CPT1A: variants seen among roughly 807,000 people sequenced by gnomAD.
CPT1A encodes carnitine O-palmitoyltransferase 1, liver isoform.
CPT1A carries 64 observed loss-of-function variants against 100.8 expected under a neutral mutation model. The observed-to-expected ratio is 0.63, with a 90% confidence interval of 0.52 to 0.78. CPT1A has a LOEUF of 0.78. Ranked by LOEUF, CPT1A falls within the 30% of genes least tolerant of loss-of-function variation. CPT1A has a pLI of 0.00. For missense variants in CPT1A, 802 were observed against 1,034.1 expected, an observed-to-expected ratio of 0.78 and a Z score of 3.08; for synonymous variants, 363 against 396.0, an observed-to-expected ratio of 0.92 and a Z score of 0.99.
chr11:68,773,301 G>C lies in CPT1A; in HGVS notation c.1704C>G (p.Ala568=). 6.2e-7 allele frequency: 1 copy of C among 1,614,166 alleles called. No homozygotes were observed. Among genetic ancestry groups the C allele is most frequent in the Non-Finnish European group, 8.5e-7 (1 of 1,180,024 alleles). Residue 568 remains alanine (A), a synonymous_variant, in exon 14 of 19, where the codon GCC becomes GCG. Transcript: ENST00000265641. ...CCAGCTGGAGGGCCAGCTGCACAAA[G>C]GCGTCTGGGCTCGTGCGACATTTCT... ...IIKKCRTSPD[A]FVQLALQLAH... is the part of the protein sequence containing the mutation.
intron 4 of CPT1A, among the ~76,000 whole-genome samples, chr11:68,805,948 C>T (rs901771572): frequency 3.3e-5 from 5 of 151,966 alleles, no homozygotes; most frequent in South Asian, 2.1e-4. Context: ...GCCCCCCAGA[C>T]GGAGGCCTCG....
At chr11:68,763,915 G>T (rs72943224) in intron 14 of CPT1A, among the ~76,000 whole-genome samples, 12,056 of 152,142 alleles carry the variant, frequency 0.079, 596 homozygotes, top group Middle Eastern at 0.11. Context: ...AGTTCAGGGG[G>T]ACCAGGGAGT....
Position 68,793,722 on chromosome 11 carries a change from G to A in CPT1A, c.880-320C>T, listed in dbSNP as rs191234357. ...GATCGTGCCACTACACTCCAGCCTC[G>A]GCAACAGAGCGAGACTCTGTCTCAA... On this transcript the variant is annotated intron_variant, in intron 8 of 18. Transcript: ENST00000265641. 8.7e-3 allele frequency among the ~76,000 whole-genome samples: 1,303 copies of A among 150,496 alleles called. 9 individuals are homozygous for A. The highest frequency in any genetic ancestry group is 0.012 in the Non-Finnish European group (822 of 67,734).
chr11:68,839,434 T>G (rs1230387640), intron 1 of CPT1A: 1 of 878,112 alleles, frequency 1.1e-6, no homozygotes, highest in East Asian at 1.2e-4. Flanking sequence ...GCCCCCAGGC[T>G]GGCGCGTCCC....
chr11:68,824,794 CTTTT>C (rs60451933), intron 1 of CPT1A, among the ~76,000 whole-genome samples: 1 of 120,354 alleles, frequency 8.3e-6, no homozygotes, highest in African/African-American at 3.2e-5. Context: ...GCAATTGTAT[CTTTT>C]TTTTTTTTTT....
At chr11:68,785,688 A>G in intron 9 of CPT1A, 1 of 269,624 alleles carries the variant, frequency 3.7e-6, no homozygotes, top group Admixed American at 4.9e-5. Context: ...CCCCATATGC[A>G]CTGTGCAAGA....
Position 68,821,808 on chromosome 11 carries a change from C to T in CPT1A, c.-13-6321G>A, listed in dbSNP as rs185814250. On this transcript the variant is annotated intron_variant, in intron 1 of 18. Coordinates refer to ENST00000265641, the MANE Select transcript of CPT1A (RefSeq NM_001876.4). ...CTGACCGTATAGGTTTGGTTCTGTCCGCAAATTCAGGCACCCACCAGGGGT... is the reference window on the plus strand; with the variant it reads ...CTGACCGTATAGGTTTGGTTCTGTCTGCAAATTCAGGCACCCACCAGGGGT... Among the ~76,000 whole-genome samples, 231 of 152,170 alleles carry T rather than the reference C, an allele frequency of 1.5e-3. 2 individuals are homozygous for T. Among genetic ancestry groups the T allele is most frequent in the Non-Finnish European group, 1.3e-3 (87 of 68,016 alleles).
chr11:68,761,068 T>C (rs1032662985), intron 16 of CPT1A, among the ~76,000 whole-genome samples: 2 of 149,316 alleles, frequency 1.3e-5, no homozygotes, highest in Non-Finnish European at 3.0e-5. Flanking sequence ...TAAATTAAAT[T>C]TGAGCTGGGC....
intron 12 of CPT1A, among the ~76,000 whole-genome samples, chr11:68,779,470 C>G (rs1855237609): frequency 8.5e-6 from 1 of 117,942 alleles, no homozygotes; most frequent in Admixed American, 1.1e-4. Context: ...ACAGGTCAAA[C>G]AGTTCAGAGT....
chr11:68,784,680 G>T, intron 10 of CPT1A, 135 bp downstream of exon 10: 1 of 823,868 alleles, frequency 1.2e-6, no homozygotes, highest in Admixed American at 2.4e-5. Flanking sequence ...CAAGCCGGGA[G>T]ACCCCAGAGA....
chr11:68,763,404 G>A (rs1854687659), intron 14 of CPT1A, among the ~76,000 whole-genome samples: 1 of 152,196 alleles, frequency 6.6e-6, no homozygotes, highest in Non-Finnish European at 1.5e-5. Context: ...TGCACAGCAG[G>A]GGATCTGTGT....
chr11:68,785,881 C>T (rs949942482), intron 9 of CPT1A: 7 of 551,558 alleles, frequency 1.3e-5, no homozygotes, highest in African/African-American at 5.8e-5. Flanking sequence ...CAAGCCATTC[C>T]GTAAAAACTA....
At position 68,799,203 on chromosome 11, in the gene CPT1A, T is replaced by C. The variant is rs1207688197; in HGVS notation, c.693+15A>G. The C allele has an allele frequency of 6.2e-7, 1 of 1,610,754 alleles. No homozygotes were observed. Among genetic ancestry groups the C allele is most frequent in the Admixed American group, 1.7e-5 (1 of 59,996 alleles). ...GGAAAAATTTCATCAAGAAAAACTG[T>C]GTATACAGACTTACGTAATTTGTAG... On this transcript the variant is annotated intron_variant, in intron 6 of 18. Transcript: ENST00000265641.
upstream of CPT1A, chr11:68,841,961 CG>C: frequency 3.0e-6 from 3 of 985,186 alleles, no homozygotes. The surrounding 1 kb of genome is among the most constrained non-coding windows in gnomAD (Gnocchi z 6.3). Flanking sequence ...GGGTGACTCC[CG>C]GCGCGCGGAG....
At chr11:68,803,930 T>A (rs1855976075) in intron 5 of CPT1A, 70 bp downstream of exon 5, 1 of 1,247,108 alleles carries the variant, frequency 8.0e-7, no homozygotes. Context: ...ACCTAGTTCA[T>A]CATAATTAAG....
intron 1 of CPT1A, among the ~76,000 whole-genome samples, chr11:68,828,464 A>G (rs1856795663): frequency 6.6e-6 from 1 of 151,906 alleles, no homozygotes; most frequent in African/African-American, 2.4e-5. Flanking sequence ...TCCCCTCCCC[A>G]GCACCTTTCA....
At chr11:68,777,713 A>G (rs1476886604) in intron 12 of CPT1A, among the ~76,000 whole-genome samples, 1 of 152,208 alleles carries the variant, frequency 6.6e-6, no homozygotes, top group African/African-American at 2.4e-5. Flanking sequence ...GATCTTGTAA[A>G]TATCCAGTAG....
rs1265604133 is a variant in CPT1A, at chr11:68,838,581, A to AAAAAAAAAAAAAAAC, written c.-14+3193_-14+3194insGTTTTTTTTTTTTTT. Among the ~76,000 whole-genome samples the AAAAAAAAAAAAAAAC allele has an allele frequency of 2.7e-5, 4 of 145,600 alleles. 1 individual carries two copies. The highest frequency in any genetic ancestry group is 6.0e-5 in the Non-Finnish European group (4 of 66,416). On this transcript the variant is annotated intron_variant, in intron 1 of 18. Transcript: ENST00000265641. ...TGTATCTGCACCTTTTTAAAAAAAA[A>AAAAAAAAAAAAAAAC]AAAAAAAAAACAGAGACAGGGTCTG... is the stretch of plus-strand genomic sequence containing the variant.
intron 1 of CPT1A, among the ~76,000 whole-genome samples, chr11:68,836,172 A>G (rs1363490350): frequency 6.6e-6 from 1 of 152,134 alleles, no homozygotes. Flanking sequence ...TGTGTATTTG[A>G]AGAAGTATAA....
Sources: gnomAD v4.1 joint callset for allele counts (sites outside exome capture counted in the v4.1 genomes callset) on GRCh38, gnomAD v4.1.1 for gene constraint, Gnocchi (gnomAD v3.1) non-coding constraint, MANE v1.5 for transcripts, NCBI Gene and HGNC (gene_info 2026-07-23, HGNC 2026-07-21) for gene names.